SLC8A3: variants seen among roughly 807,000 people sequenced by gnomAD.
SLC8A3 encodes sodium/calcium exchanger 3.
SLC8A3 carries 37 observed loss-of-function variants against 65.4 expected under a neutral mutation model. The observed-to-expected ratio is 0.57, with a 90% CI of 0.44 to 0.74. The LOEUF (loss-of-function observed/expected upper bound fraction) is 0.74. Among genes scored for constraint, SLC8A3 ranks in the 30% least tolerant of loss-of-function variants. SLC8A3 has a pLI of 0.00. For missense variants in SLC8A3, 1,112 were observed against 1,172.1 expected, an observed-to-expected ratio of 0.95 and a Z score of 0.75; for synonymous variants, 461 against 444.5, an observed-to-expected ratio of 1.04 and a Z score of -0.47.
intron 2 of SLC8A3, among the ~76,000 whole-genome samples, chr14:70,161,484 A>T (rs1896892867): frequency 6.6e-6 from 1 of 152,060 alleles, no homozygotes; most frequent in African/African-American, 2.4e-5. Flanking sequence ...ACACAGCTCC[A>T]CTGAGGATTT....
intron 6 of SLC8A3, chr14:70,047,972 T>C (rs1254704795): frequency 2.0e-5 from 3 of 152,266 alleles, no homozygotes; most frequent in Non-Finnish European, 4.4e-5. Context: ...CCTCCTTCAG[T>C]AGATTATAAA....
chr14:70,185,840 A>C (rs1883163338), intron 1 of SLC8A3, among the ~76,000 whole-genome samples: 1 of 152,240 alleles, frequency 6.6e-6, no homozygotes, highest in Non-Finnish European at 1.5e-5. Context: ...AGTTCAGATT[A>C]TGAGTGTTTA....
chr14:70,135,478 T>C (rs1010727589), intron 2 of SLC8A3, among the ~76,000 whole-genome samples: 42 of 152,226 alleles, frequency 2.8e-4, no homozygotes, highest in Admixed American at 2.4e-3. Context: ...AGCCAAGATA[T>C]GGAATCAACC....
chr14:70,047,090 CT>C, intron 6 of SLC8A3: 1 of 152,290 alleles, frequency 6.6e-6, no homozygotes, highest in East Asian at 1.9e-4. Flanking sequence ...CTTTCCATAC[CT>C]TCAACTATAT....
At chr14:70,187,512 T>C (rs1055775951) in intron 1 of SLC8A3, among the ~76,000 whole-genome samples, 6 of 152,038 alleles carry the variant, frequency 3.9e-5, no homozygotes, top group Non-Finnish European at 5.9e-5. Flanking sequence ...ATTGCTTTCA[T>C]CATCTTTCCC....
intron 2 of SLC8A3, among the ~76,000 whole-genome samples, chr14:70,149,540 G>A (rs1442206703): frequency 6.6e-6 from 1 of 152,276 alleles, no homozygotes; most frequent in South Asian, 2.1e-4. Flanking sequence ...TAACAGGCCC[G>A]GGGGTGGAAG....
intron 2 of SLC8A3, among the ~76,000 whole-genome samples, chr14:70,150,847 T>G (rs1014918137): frequency 6.6e-6 from 1 of 152,144 alleles, no homozygotes; most frequent in Non-Finnish European, 1.5e-5. Context: ...AACTATACAG[T>G]GGGTCCTTGT....
chr14:70,047,331 TG>T (rs1886906735), intron 6 of SLC8A3: 1 of 152,204 alleles, frequency 6.6e-6, no homozygotes, highest in South Asian at 2.1e-4. Context: ...TGTTTGTTTT[TG>T]TTTCTGTTGT....
chr14:70,148,502 G>T (rs1172381759), intron 2 of SLC8A3, among the ~76,000 whole-genome samples: 1 of 152,162 alleles, frequency 6.6e-6, no homozygotes, highest in Non-Finnish European at 1.5e-5. Flanking sequence ...CTAACACAAA[G>T]GAAGTCTCTT....
At chr14:70,162,802 T>C (rs924041166) in intron 2 of SLC8A3, among the ~76,000 whole-genome samples, 3 of 152,198 alleles carry the variant, frequency 2.0e-5, no homozygotes, top group African/African-American at 7.2e-5. Flanking sequence ...ATCAATAATA[T>C]CCCTCTTAAA....
Position 70,186,677 on chromosome 14 carries a change from G to A in SLC8A3, c.-63+1702C>T, listed in dbSNP as rs980240260. Among the ~76,000 whole-genome samples, 5 of 152,192 alleles carry A rather than the reference G, an allele frequency of 3.3e-5. No homozygotes were observed. In the East Asian group the frequency reaches 9.7e-4, roughly 29 times the overall value. ...GACTTGTGTGTGGGGACTGCTGCTG[G>A]GCATTGTAGATTGCAATGAGGGGCT... On this transcript the variant is annotated intron_variant, in intron 1 of 6. Coordinates refer to ENST00000356921, the MANE Select transcript of SLC8A3 (RefSeq NM_182932.3).
chr14:70,171,931 T>G (rs1897569894), intron 1 of SLC8A3, among the ~76,000 whole-genome samples: 1 of 152,072 alleles, frequency 6.6e-6, no homozygotes, highest in African/African-American at 2.4e-5. Context: ...TGCCAGGAAA[T>G]GGTTTCTGGC....
Position 70,167,331 on chromosome 14 carries a change from A to G in SLC8A3, c.1092T>C (p.Gly364=). The part of the protein sequence containing the change: ...YRIQATRMMT[G]AGNILKKHAA... ...CATGTTTCTTCAGGATATTGCCTGC[A>G]CCAGTCATCATACGAGTGGCTTGGA... is the stretch of plus-strand genomic sequence containing the variant. The change falls in exon 2 of 7, where the codon GGT becomes GGC. Residue 364 remains glycine (G), a synonymous_variant. Transcript: ENST00000356921. 1.9e-6 allele frequency: 3 copies of G among 1,614,184 alleles called. No homozygotes were observed. Among genetic ancestry groups the G allele is most frequent in the South Asian group, 2.2e-5 (2 of 91,082 alleles).
At position 70,113,083 on chromosome 14, in the gene SLC8A3, G is replaced by A. The variant is rs148081519; in HGVS notation, c.1785-52144C>T. 7.4e-3 allele frequency among the ~76,000 whole-genome samples: 446 copies of A among 59,962 alleles called. 5 individuals are homozygous for A. The highest frequency in any genetic ancestry group is 0.022 in the African/African-American group (432 of 19,480). 39.3% of individuals were successfully genotyped at this position (59,962 alleles called of 152,430 possible). On this transcript the variant is annotated intron_variant, in intron 2 of 6. Coordinates refer to ENST00000356921, the MANE Select transcript of SLC8A3 (RefSeq NM_182932.3). ...AATACATTGGTCTTTGTGTCCACTG[G>A]AGACTTCAGCTTGGGGACAGTCTTG... is the stretch of plus-strand genomic sequence containing the variant.
chr14:70,139,788 G>A (rs551052718), intron 2 of SLC8A3, among the ~76,000 whole-genome samples: 11 of 152,180 alleles, frequency 7.2e-5, no homozygotes, highest in Non-Finnish European at 1.3e-4. Flanking sequence ...AAACATGATT[G>A]CCCCTTTGAG....
intron 2 of SLC8A3, among the ~76,000 whole-genome samples, chr14:70,147,108 G>A (rs1895975262): frequency 6.6e-6 from 1 of 152,158 alleles, no homozygotes; most frequent in South Asian, 2.1e-4. Context: ...AATGAGGCGT[G>A]ACTATTTGGG....
intron 2 of SLC8A3, among the ~76,000 whole-genome samples, chr14:70,079,330 C>CAAAAAAAAAAAAAAAAAAAAAA (rs11464342): frequency 1.2e-5 from 1 of 80,928 alleles, no homozygotes. Flanking sequence ...CTAAAAAATA[C>CAAAAAAAAAAAAAAAAAAAAAA]AAAAAAAAAA....
chr14:70,126,001 C>G (rs887531208), intron 2 of SLC8A3, among the ~76,000 whole-genome samples: 6 of 152,178 alleles, frequency 3.9e-5, no homozygotes, highest in African/African-American at 1.4e-4. Flanking sequence ...GAAAATAAAG[C>G]AGTTCTGCTG....
At chr14:70,146,102 A>G (rs1895910715) in intron 2 of SLC8A3, among the ~76,000 whole-genome samples, 1 of 152,182 alleles carries the variant, frequency 6.6e-6, no homozygotes, top group South Asian at 2.1e-4. Flanking sequence ...ACAATCCTTC[A>G]CCACAGGCAG....
Sources: allele counts gnomAD v4.1 joint callset (sites outside exome capture counted in the v4.1 genomes callset), GRCh38; gene constraint gnomAD v4.1.1; transcripts MANE v1.5; gene names NCBI Gene and HGNC (gene_info 2026-07-23, HGNC 2026-07-21).